Variants in DIPK1A observed in about 807,000 individuals in gnomAD.
DIPK1A encodes family with sequence similarity 69 member A.
Under a neutral mutation model 40.8 loss-of-function variants are expected in DIPK1A, and 27 were observed. The ratio of observed to expected loss-of-function variants is 0.66; its 90% CI spans 0.49 to 0.91. DIPK1A has a LOEUF of 0.91. DIPK1A is among the 40% of genes least tolerant of loss of function. DIPK1A has a pLI of 0.00. For synonymous variants in DIPK1A, 166 were observed against 171.3 expected, an observed-to-expected ratio of 0.97 and a Z score of 0.24; for missense variants, 412 against 505.7, an observed-to-expected ratio of 0.81 and a Z score of 1.78.
intron 2 of DIPK1A, among the ~76,000 whole-genome samples, chr1:92,854,606 GA>G (rs779319787): frequency 6.6e-6 from 1 of 152,228 alleles, no homozygotes; most frequent in Non-Finnish European, 1.5e-5. Flanking sequence ...TAGTAGTGGA[GA>G]AGTTCCTGGA....
intron 2 of DIPK1A, 103 bp downstream of exon 2, chr1:92,876,193 C>G (rs1648116454): frequency 1.1e-5 from 8 of 755,578 alleles, no homozygotes; most frequent in Admixed American, 4.1e-5. Context: ...ATTCTAATGT[C>G]AAATTAACTT....
At chr1:92,837,201 T>C (rs1687163754), downstream of DIPK1A, 1 of 634,630 alleles carries the variant, frequency 1.6e-6, no homozygotes, top group Non-Finnish European at 2.9e-6. Context: ...GGATGACTAA[T>C]TTTGTAGTGG....
At chr1:92,929,005 T>C (rs1430697775) in intron 1 of DIPK1A, among the ~76,000 whole-genome samples, 1 of 152,130 alleles carries the variant, frequency 6.6e-6, no homozygotes, top group Non-Finnish European at 1.5e-5. Flanking sequence ...TCTTTCTCTG[T>C]TTGAGGTTTC....
At chr1:92,936,591 T>A (rs149020645) in intron 1 of DIPK1A, among the ~76,000 whole-genome samples, 1,687 of 147,424 alleles carry the variant, frequency 0.011, 22 homozygotes, top group African/African-American at 0.035. Flanking sequence ...ATCACACCAC[T>A]GCACTCCAGC....
At chr1:92,848,084 G>A (rs778745586) in intron 3 of DIPK1A, among the ~76,000 whole-genome samples, 1 of 152,070 alleles carries the variant, frequency 6.6e-6, no homozygotes, top group Non-Finnish European at 1.5e-5. Context: ...ATCTTAGGTG[G>A]TAGGTACTAT....
intron 1 of DIPK1A, among the ~76,000 whole-genome samples, chr1:92,925,790 G>A (rs563305648): frequency 0.021 from 3,205 of 152,164 alleles, 56 homozygotes; most frequent in Admixed American, 0.053. Flanking sequence ...CACCGTGCCA[G>A]GCCAAGACTA....
At chr1:92,934,994 G>A (rs1051263106) in intron 1 of DIPK1A, among the ~76,000 whole-genome samples, 19 of 152,178 alleles carry the variant, frequency 1.2e-4, no homozygotes, top group African/African-American at 4.6e-4. Context: ...CAACAAATGT[G>A]CTCTGCCTGA....
chr1:92,953,681 A>G (rs1189938631), intron 1 of DIPK1A, among the ~76,000 whole-genome samples: 2 of 152,220 alleles, frequency 1.3e-5, no homozygotes, highest in African/African-American at 4.8e-5. Context: ...TATATGAAGT[A>G]TAAAGCAGTC....
At chr1:92,851,023 C>A in intron 2 of DIPK1A, 68 bp from the exon 3 acceptor site, 2 of 994,204 alleles carry the variant, frequency 2.0e-6, no homozygotes, top group Non-Finnish European at 3.0e-6. Context: ...AAAGAGATAT[C>A]TATATCCTTT....
At chr1:92,960,017 A>G (rs1056288204) in intron 1 of DIPK1A, among the ~76,000 whole-genome samples, 1 of 145,400 alleles carries the variant, frequency 6.9e-6, no homozygotes, top group Non-Finnish European at 1.5e-5. Flanking sequence ...CGGCCTCCCA[A>G]GTGCCGGGAT....
At chr1:92,931,296 C>T (rs1160363896) in intron 1 of DIPK1A, 1 of 200,648 alleles carries the variant, frequency 5.0e-6, no homozygotes, top group Non-Finnish European at 1.1e-5. Flanking sequence ...TGAGCTGGCC[C>T]CTCACCCCAT....
At chr1:92,888,134 T>C (rs535080136) in intron 1 of DIPK1A, among the ~76,000 whole-genome samples, 1 of 152,224 alleles carries the variant, frequency 6.6e-6, no homozygotes, top group East Asian at 1.9e-4. Context: ...AACTTACTTC[T>C]CCTATCTAGC....
At chr1:92,907,237 C>T (rs1649657756) in intron 1 of DIPK1A, among the ~76,000 whole-genome samples, 1 of 151,990 alleles carries the variant, frequency 6.6e-6, no homozygotes, top group Non-Finnish European at 1.5e-5. Flanking sequence ...TAGAACAGCC[C>T]CACTTGAATA....
chr1:92,836,418 T>G (rs777282018), intron 4 of DIPK1A: 6 of 1,601,664 alleles, frequency 3.7e-6, no homozygotes, highest in Admixed American at 3.3e-5. Context: ...AAGACCTTGG[T>G]GCCTGGACCG....
intron 1 of DIPK1A, among the ~76,000 whole-genome samples, chr1:92,902,758 C>T (rs1333445637): frequency 2.6e-5 from 4 of 152,118 alleles, no homozygotes; most frequent in Non-Finnish European, 5.9e-5. Flanking sequence ...TGTTGCCTTC[C>T]GTTCTCTATG....
At chr1:92,833,614 A>G in intron 4 of DIPK1A, 1 of 1,612,514 alleles carries the variant, frequency 6.2e-7, no homozygotes, top group South Asian at 1.1e-5. Flanking sequence ...AACACACCCA[A>G]ATACAGGATG....
At chr1:92,837,522 C>T (rs1687176453), downstream of DIPK1A, 3 of 1,612,276 alleles carry the variant, frequency 1.9e-6, no homozygotes, top group South Asian at 3.3e-5. Context: ...ATCGGAAGCA[C>T]ATCATGGGCC....
chr1:92,833,784 T>G, intron 4 of DIPK1A: 1 of 782,362 alleles, frequency 1.3e-6, no homozygotes, highest in Non-Finnish European at 2.1e-6. Flanking sequence ...AGTGAATAAT[T>G]TTTCCTTTTA....
At chr1:92,844,656 T>C (rs1277795872) in intron 4 of DIPK1A, among the ~76,000 whole-genome samples, 1 of 152,130 alleles carries the variant, frequency 6.6e-6, no homozygotes, top group Non-Finnish European at 1.5e-5. Flanking sequence ...CTCAAACTCC[T>C]GGGCTCAGGT....
Sources: allele counts gnomAD v4.1 joint callset (sites outside exome capture counted in the v4.1 genomes callset), GRCh38; gene constraint gnomAD v4.1.1; transcripts MANE v1.5; gene names NCBI Gene and HGNC (gene_info 2026-07-23, HGNC 2026-07-21).